Variants in SNX29 observed in about 807,000 individuals in gnomAD.
The protein encoded by SNX29 is sorting nexin-29.
In SNX29, 78 loss-of-function variants were observed where a neutral mutation model predicts 102.1. The observed-to-expected ratio is 0.76, with a 90% CI of 0.64 to 0.92. The LOEUF (loss-of-function observed/expected upper bound fraction) is 0.92, where lower values mean the gene tolerates loss of function less well. Among genes scored for constraint, SNX29 ranks in the 40% least tolerant of loss-of-function variants. The pLI is 0.00. For synonymous variants in SNX29, 580 were observed against 414.5 expected (o/e 1.40, Z -4.85); for missense variants, 1,280 against 1,061.7 (o/e 1.21, Z -2.86).
At chr16:12,547,823 C>G (rs1309829701) in intron 20 of SNX29, among the ~76,000 whole-genome samples, 2 of 152,212 alleles carry the variant, frequency 1.3e-5, no homozygotes, top group Non-Finnish European at 2.9e-5. Flanking sequence ...CAGGGACAGC[C>G]TTACTGAGCC....
chr16:12,301,593 T>A (rs60379050), intron 15 of SNX29, among the ~76,000 whole-genome samples: 3,348 of 152,330 alleles, frequency 0.022, 148 homozygotes, highest in African/African-American at 0.077. Flanking sequence ...GATTGAAATA[T>A]CAGGATCCCC....
intron 18 of SNX29, among the ~76,000 whole-genome samples, chr16:12,456,006 TG>T (rs1217147535): frequency 1.3e-5 from 2 of 152,228 alleles, no homozygotes; most frequent in Non-Finnish European, 2.9e-5. Context: ...GATGAAGACT[TG>T]TAAAGGTACA....
intron 20 of SNX29, among the ~76,000 whole-genome samples, chr16:12,539,525 T>C (rs1641873): frequency 0.12 from 18,933 of 152,246 alleles, 1,413 homozygotes; most frequent in Non-Finnish European, 0.16. Context: ...TGTTGGCAAT[T>C]TTGAATAGAG....
At chr16:12,561,949 C>G (rs770619278) in intron 20 of SNX29, among the ~76,000 whole-genome samples, 2 of 152,136 alleles carry the variant, frequency 1.3e-5, no homozygotes, top group Non-Finnish European at 2.9e-5. Context: ...CAGGTGCATC[C>G]CTGGGGGCAT....
intron 15 of SNX29, among the ~76,000 whole-genome samples, chr16:12,330,653 G>A (rs2081267665): frequency 6.6e-6 from 1 of 152,218 alleles, no homozygotes; most frequent in African/African-American, 2.4e-5. Flanking sequence ...GAGCCAGGCG[G>A]CTGGACCCCA....
intron 20 of SNX29, among the ~76,000 whole-genome samples, chr16:12,551,815 G>A (rs554458592): frequency 1.1e-4 from 16 of 152,238 alleles, no homozygotes; most frequent in South Asian, 2.1e-4. Flanking sequence ...CTGTATCCCC[G>A]CCTCAGTTTT....
At chr16:11,987,661 C>G (rs906838769) in intron 1 of SNX29, among the ~76,000 whole-genome samples, 7 of 152,170 alleles carry the variant, frequency 4.6e-5, no homozygotes, top group Admixed American at 4.6e-4. Context: ...TCCCAAAGTG[C>G]TGGGATTACA....
intron 15 of SNX29, among the ~76,000 whole-genome samples, chr16:12,305,086 G>A (rs1178114331): frequency 6.6e-6 from 1 of 152,214 alleles, no homozygotes; most frequent in African/African-American, 2.4e-5. Flanking sequence ...ATCATAGTGT[G>A]ACACTATAAA....
At chr16:12,397,055 T>A (rs79619085) in intron 16 of SNX29, among the ~76,000 whole-genome samples, 1 of 152,160 alleles carries the variant, frequency 6.6e-6, no homozygotes, top group African/African-American at 2.4e-5. Flanking sequence ...CTGGCTAATG[T>A]TTTTTTCCAT....
At chr16:12,344,748 C>G (rs2081737613) in intron 15 of SNX29, among the ~76,000 whole-genome samples, 1 of 152,200 alleles carries the variant, frequency 6.6e-6, no homozygotes, top group Admixed American at 6.5e-5. Flanking sequence ...GGGCTGCCTG[C>G]CCAGCAGGCT....
rs113090720 is a variant in SNX29 at position 12,536,327 on chromosome 16, T to C, written c.2318+11486T>C. 5.8e-4 allele frequency among the ~76,000 whole-genome samples: 88 copies of C among 152,228 alleles called. 1 individual carries two copies. Among genetic ancestry groups the C allele is most frequent in the African/African-American group, 2.0e-3 (81 of 41,528 alleles). Reference sequence around the variant, plus strand: ...GGAAGACAGGTTGAGAAATTACTAATGCAGCAGGAAACAAGCCGTACTGTC... The same window carrying C: ...GGAAGACAGGTTGAGAAATTACTAACGCAGCAGGAAACAAGCCGTACTGTC... On this transcript the variant is annotated intron_variant, in intron 20 of 20. Transcript: ENST00000566228.
chr16:12,410,271 G>C (rs994963802), intron 18 of SNX29, among the ~76,000 whole-genome samples: 2 of 152,174 alleles, frequency 1.3e-5, no homozygotes, highest in African/African-American at 4.8e-5. Context: ...TGGGATTATA[G>C]GTGTGAGCCA....
At chr16:12,564,094 T>TA (rs763447164) in intron 20 of SNX29, among the ~76,000 whole-genome samples, 4 of 152,206 alleles carry the variant, frequency 2.6e-5, no homozygotes, top group Non-Finnish European at 4.4e-5. Flanking sequence ...AATATCTTTG[T>TA]AAAATCCTCC....
chr16:12,308,417 T>G (rs570725518), intron 15 of SNX29, among the ~76,000 whole-genome samples: 60 of 152,294 alleles, frequency 3.9e-4, no homozygotes, highest in Non-Finnish European at 7.5e-4. Context: ...GGGATCAACC[T>G]CTTAGTAGCG....
intron 18 of SNX29, among the ~76,000 whole-genome samples, chr16:12,471,793 T>C (rs559431054): frequency 6.0e-4 from 91 of 152,400 alleles, no homozygotes; most frequent in African/African-American, 2.1e-3. Flanking sequence ...TGTATAGACC[T>C]TTATAACCAC....
At chr16:12,370,030 G>A (rs1011741093) in intron 16 of SNX29, among the ~76,000 whole-genome samples, 3 of 152,096 alleles carry the variant, frequency 2.0e-5, no homozygotes, top group Non-Finnish European at 4.4e-5. Context: ...AGACCAGCCT[G>A]GCCAACGTGG....
chr16:12,137,765 A>G (rs899335250), intron 13 of SNX29, among the ~76,000 whole-genome samples: 3 of 152,210 alleles, frequency 2.0e-5, no homozygotes, highest in Admixed American at 1.3e-4. Context: ...TTATCACAAG[A>G]GTCAAATGGT....
In SNX29 at chr16:12,277,934, G is replaced by A. The variant is rs1483893249; in HGVS notation, c.1680G>A (p.Val560=). The A allele has an allele frequency of 3.7e-6, 6 of 1,604,620 alleles. No individual in the cohort carries two copies. The African/African-American group carries it at 6.7e-5, about 18-fold the overall frequency. ...TGACATGTCTCTCTTTCTCTAAAGT[G>A]CCAAATCTTTGGAGTGTTGATGGAG... is the stretch of plus-strand genomic sequence containing the variant. ...MLKREGQTAE[V]PNLWSVDGEV... Residue 560 remains valine, a splice_region_variant and synonymous_variant, in exon 15 of 21, where the codon GTG becomes GTA. Coordinates refer to ENST00000566228, the MANE Select transcript of SNX29 (RefSeq NM_032167.5).
At chr16:12,539,381 G>C (rs559447983) in intron 20 of SNX29, among the ~76,000 whole-genome samples, 1 of 152,000 alleles carries the variant, frequency 6.6e-6, no homozygotes, top group African/African-American at 2.4e-5. Context: ...TGAGGCTGGC[G>C]TCTTTCAGCA....
Sources: gnomAD v4.1 joint callset for allele counts (sites outside exome capture counted in the v4.1 genomes callset) on GRCh38, gnomAD v4.1.1 for gene constraint, MANE v1.5 for transcripts, NCBI Gene and HGNC (gene_info 2026-07-23, HGNC 2026-07-21) for gene names.